Variants in DNAH5 observed in about 807,000 individuals in gnomAD.
DNAH5 encodes the protein axonemal beta dynein heavy chain 5.
A neutral mutation model predicts 518.2 loss-of-function variants in DNAH5; 372 were observed. The observed-to-expected ratio is 0.72, with a 90% confidence interval of 0.66 to 0.78. DNAH5 has a LOEUF of 0.78. Among genes scored for constraint, DNAH5 ranks in the 30% least tolerant of loss-of-function variants. The pLI is 0.00. For synonymous variants in DNAH5, 2,039 were observed against 2,025.9 expected (o/e 1.01, Z -0.17); for missense variants, 5,523 against 5,687.0 (o/e 0.97, Z 0.93).
Position 13,786,184 on chromosome 5 carries a change from C to G in DNAH5, c.8815G>C (p.Val2939Leu). 1 of 1,613,924 alleles carries G rather than the reference C, an allele frequency of 6.2e-7. No homozygotes were observed. Among genetic ancestry groups the G allele is most frequent in the Non-Finnish European group, 8.5e-7 (1 of 1,179,912 alleles). ...ACTCAGAGTGGCTACTGTACCTTGACTAAGTGAACCATGGCATCTGCAAAG... is the reference window on the plus strand; with the variant it reads ...ACTCAGAGTGGCTACTGTACCTTGAGTAAGTGAACCATGGCATCTGCAAAG... ...VFFADAMVHLVKISRVIRTPQ... is the reference protein window; with the variant it reads ...VFFADAMVHLLKISRVIRTPQ... The change falls in exon 52 of 79, where the codon GTC (valine) becomes CTC (leucine). Residue 2939 changes from valine (V) to leucine (L), a missense_variant. By Grantham distance (32) the Val-to-Leu change is conservative (BLOSUM62 1). Coordinates refer to ENST00000265104, the MANE Select transcript of DNAH5 (RefSeq NM_001369.3).
At chr5:13,748,292 T>C (rs1749696415) in intron 65 of DNAH5, among the ~76,000 whole-genome samples, 1 of 152,278 alleles carries the variant, frequency 6.6e-6, no homozygotes, top group Middle Eastern at 3.4e-3. Context: ...CCTTGTAGTA[T>C]GTTTGAAGTC....
At chr5:13,978,539 C>T (rs956190) in intron 1 of DNAH5, among the ~76,000 whole-genome samples, 48,184 of 152,046 alleles carry the variant, frequency 0.32, 8,054 homozygotes, top group East Asian at 0.6. Flanking sequence ...TACCACATAA[C>T]GACATTTCAG....
Position 13,700,712 on chromosome 5 carries a change from T to C in DNAH5, c.13651A>G (p.Lys4551Glu). ...ACTTTTGGCTTTGATTCAATGAGTT[T>C]CATGTTCCTCTTGTCCCAGCCAGCA... ...EGAGWDKRNM[K>E]LIESKPKVLF... The change falls in exon 78 of 79, where the codon AAA becomes GAA. Residue 4551 changes from lysine (K) to glutamate (E), a missense_variant. Lys to Glu is a moderately conservative substitution (Grantham distance 56). Transcript: ENST00000265104. The C allele has an allele frequency of 6.2e-7, 1 of 1,614,178 alleles. No homozygotes were observed. The highest frequency in any genetic ancestry group is 8.5e-7 in the Non-Finnish European group (1 of 1,180,016).
At chr5:13,731,837 T>C (rs1579953374) in intron 68 of DNAH5, among the ~76,000 whole-genome samples, 2 of 152,206 alleles carry the variant, frequency 1.3e-5, no homozygotes, top group African/African-American at 4.8e-5. Context: ...AAGACCACCA[T>C]CCAAATACTG....
At chr5:13,736,969 T>G (rs1341111516) in intron 66 of DNAH5, among the ~76,000 whole-genome samples, 1 of 152,222 alleles carries the variant, frequency 6.6e-6, no homozygotes, top group Non-Finnish European at 1.5e-5. Flanking sequence ...AGTCATCAGA[T>G]TTTTTAAAAT....
At chr5:13,739,178 G>T (rs1302034588) in intron 65 of DNAH5, among the ~76,000 whole-genome samples, 1 of 152,194 alleles carries the variant, frequency 6.6e-6, no homozygotes, top group East Asian at 1.9e-4. Flanking sequence ...TGACTCAGTA[G>T]GTGATATGGT....
chr5:13,799,567 G>A (rs949549267), intron 47 of DNAH5, among the ~76,000 whole-genome samples: 1 of 152,158 alleles, frequency 6.6e-6, no homozygotes, highest in African/African-American at 2.4e-5. Flanking sequence ...GAAAAATTAA[G>A]CAACCTGAGA....
intron 35 of DNAH5, among the ~76,000 whole-genome samples, chr5:13,832,885 C>T (rs1052549654): frequency 2.6e-5 from 4 of 152,284 alleles, no homozygotes; most frequent in African/African-American, 9.6e-5. Context: ...CTCGAACTAA[C>T]CAAATCTATC....
Position 13,690,830 on chromosome 5 carries a change from C to A in DNAH5, c.*1154G>T, listed in dbSNP as rs1010528672. 1 of 152,162 alleles carries A rather than the reference C, an allele frequency of 6.6e-6. No individual in the cohort carries two copies. Among genetic ancestry groups the A allele is most frequent in the African/African-American group, 2.4e-5 (1 of 41,446 alleles). 9.4% of individuals were successfully genotyped at this position (152,162 alleles called of 1,614,324 possible). A position where few individuals can be genotyped will look rare whatever the true frequency, so the allele number is the denominator to read the frequency against. ...TCCATAGAAAGTCCCTACGCACCGTCTAATATTTCTACCCTTTTTTTATTT... is the reference window on the plus strand; with the variant it reads ...TCCATAGAAAGTCCCTACGCACCGTATAATATTTCTACCCTTTTTTTATTT... On this transcript the variant is annotated 3_prime_UTR_variant, in exon 79 of 79. Coordinates refer to ENST00000265104, the MANE Select transcript of DNAH5 (RefSeq NM_001369.3).
intron 38 of DNAH5, among the ~76,000 whole-genome samples, chr5:13,824,774 G>A (rs1762679836): frequency 2.6e-5 from 4 of 152,054 alleles, no homozygotes; most frequent in Admixed American, 2.0e-4. Context: ...TAAGTAAGAA[G>A]ACAGGAGAAT....
chr5:13,721,277 T>G, intron 70 of DNAH5, 32 bp from the exon 71 acceptor site: 11 of 1,613,806 alleles, frequency 6.8e-6, no homozygotes, highest in Non-Finnish European at 9.3e-6. Context: ...TCAGTAAAAG[T>G]CATTCCAACT....
At chr5:13,717,106 A>T in intron 73 of DNAH5, among the ~76,000 whole-genome samples, 1 of 152,114 alleles carries the variant, frequency 6.6e-6, no homozygotes, top group East Asian at 1.9e-4. Context: ...ATGTCAACTC[A>T]CTTTTGAGAA....
intron 1 of DNAH5, among the ~76,000 whole-genome samples, chr5:13,957,722 T>C (rs1455762890): frequency 1.3e-5 from 2 of 151,846 alleles, no homozygotes; most frequent in Non-Finnish European, 2.9e-5. Context: ...ACTCTTTGAG[T>C]TGATTTTGAT....
Position 13,972,492 on chromosome 5 carries a change from C to T in DNAH5, c.12+39156G>A, listed in dbSNP as rs576046259. Among the ~76,000 whole-genome samples the T allele has an allele frequency of 9.2e-5, 14 of 152,330 alleles. No homozygotes were observed. The South Asian group carries it at 2.9e-3, about 32-fold the overall frequency. On this transcript the variant is annotated intron_variant, in intron 1 of 78. Transcript: ENST00000681290. ...AAGTCAGGAATGGCTTCCCTGGAGA[C>T]CAAGAGTGCCCACAGGACTCTTCCC...
At chr5:13,792,274 A>G in intron 49 of DNAH5, 57 bp from the exon 50 acceptor site, 1 of 1,485,374 alleles carries the variant, frequency 6.7e-7, no homozygotes, top group South Asian at 1.1e-5. Context: ...TTAAATGAAA[A>G]TGAAAAGCAT....
intron 1 of DNAH5, among the ~76,000 whole-genome samples, chr5:13,995,006 A>C (rs1783834402): frequency 6.6e-6 from 1 of 152,110 alleles, no homozygotes; most frequent in South Asian, 2.1e-4. Flanking sequence ...CTTGTCACAG[A>C]CAGGACCTGG....
intron 1 of DNAH5, among the ~76,000 whole-genome samples, chr5:13,994,321 G>T (rs76944037): frequency 0.034 from 5,100 of 152,178 alleles, 106 homozygotes; most frequent in Non-Finnish European, 0.049. Context: ...CCCCAAAAAG[G>T]AATTTTGCCG....
intron 70 of DNAH5, among the ~76,000 whole-genome samples, chr5:13,722,706 A>T (rs1745217274): frequency 6.6e-6 from 1 of 152,204 alleles, no homozygotes; most frequent in African/African-American, 2.4e-5. Context: ...GAGCATTTAC[A>T]TTCCCTAACT....
intron 42 of DNAH5, among the ~76,000 whole-genome samples, chr5:13,816,571 A>C (rs1199874539): frequency 4.0e-5 from 6 of 150,856 alleles, no homozygotes; most frequent in East Asian, 2.0e-4. Context: ...AAAACAAAAA[A>C]ACCTCTGCGC....
Sources: allele counts gnomAD v4.1 joint callset (sites outside exome capture counted in the v4.1 genomes callset), GRCh38; gene constraint gnomAD v4.1.1; transcripts MANE v1.5; gene names NCBI Gene and HGNC (gene_info 2026-07-23, HGNC 2026-07-21).